Variants in SLC4A4 observed in about 807,000 individuals in gnomAD.
The protein encoded by SLC4A4 is solute carrier family 4 member 4.
Under a neutral mutation model 111.5 loss-of-function variants are expected in SLC4A4, and 27 were observed. That is an observed-to-expected ratio of 0.24 (90% CI 0.18 to 0.33). The LOEUF (loss-of-function observed/expected upper bound fraction) is 0.33, where lower values mean the gene tolerates loss of function less well. SLC4A4 is among the 10% of genes least tolerant of loss of function. The pLI is 1.00. For missense variants in SLC4A4, 909 were observed against 1,315.5 expected, an observed-to-expected ratio of 0.69 and a Z score of 4.78; for synonymous variants, 443 against 463.4, an observed-to-expected ratio of 0.96 and a Z score of 0.57.
chr4:71,146,368 C>G (rs560205581), intron 2 of SLC4A4, among the ~76,000 whole-genome samples: 79 of 152,130 alleles, frequency 5.2e-4, no homozygotes, highest in Non-Finnish European at 2.5e-4. Flanking sequence ...TTACTTCCAA[C>G]TATGTGGTCA....
chr4:71,374,501 A>T (rs893562318), intron 6 of SLC4A4, among the ~76,000 whole-genome samples: 1 of 151,926 alleles, frequency 6.6e-6, no homozygotes, highest in Non-Finnish European at 1.5e-5. Flanking sequence ...CAACATTCTT[A>T]AGATACAGGC....
chr4:71,120,939 G>T (rs147975919), intron 2 of SLC4A4, among the ~76,000 whole-genome samples: 36 of 152,314 alleles, frequency 2.4e-4, no homozygotes, highest in Admixed American at 6.5e-4. Context: ...GAGAGGCGCC[G>T]GCAGGAACCA....
At chr4:71,131,898 A>G (rs1409037536) in intron 2 of SLC4A4, among the ~76,000 whole-genome samples, 1 of 152,174 alleles carries the variant, frequency 6.6e-6, no homozygotes, top group African/African-American at 2.4e-5. Context: ...GTGTTATCAG[A>G]CACTCCAGAT....
At chr4:71,559,576 T>C (rs1736773748) in intron 22 of SLC4A4, among the ~76,000 whole-genome samples, 1 of 151,802 alleles carries the variant, frequency 6.6e-6, no homozygotes, top group African/African-American at 2.4e-5. Flanking sequence ...CAGTTAACGG[T>C]GGTGATTGAA....
intron 6 of SLC4A4, among the ~76,000 whole-genome samples, chr4:71,397,351 C>T (rs547966102): frequency 6.6e-6 from 1 of 152,276 alleles, no homozygotes; most frequent in South Asian, 2.1e-4. Context: ...GAAACTGAAC[C>T]AGGCAGTAAG....
At chr4:71,133,455 C>T (rs574462372) in intron 2 of SLC4A4, among the ~76,000 whole-genome samples, 10 of 152,288 alleles carry the variant, frequency 6.6e-5, no homozygotes, top group East Asian at 1.9e-4. Flanking sequence ...AACTCAGCTG[C>T]GGGAGTCAGC....
intron 6 of SLC4A4, among the ~76,000 whole-genome samples, chr4:71,358,329 A>AG (rs2148914320): frequency 6.6e-6 from 1 of 150,498 alleles, no homozygotes; most frequent in East Asian, 1.9e-4. Context: ...AAAAAAAAAA[A>AG]GAGAGAGAGA....
At chr4:71,320,685 G>A (rs1686268619) in intron 3 of SLC4A4, among the ~76,000 whole-genome samples, 1 of 152,024 alleles carries the variant, frequency 6.6e-6, no homozygotes, top group African/African-American at 2.4e-5. Context: ...ATAGTCAAAA[G>A]TGTTTCCAAA....
intron 1 of SLC4A4, among the ~76,000 whole-genome samples, chr4:71,232,664 G>A (rs909938647): frequency 3.3e-5 from 5 of 152,096 alleles, no homozygotes; most frequent in Admixed American, 1.3e-4. Flanking sequence ...CCTCCCACTC[G>A]GCCTCCCAAA....
chr4:71,145,393 T>A lies in SLC4A4; in HGVS notation c.-2+52601T>A, dbSNP rs1744134935. On this transcript the variant is annotated intron_variant, in intron 2 of 26. Coordinates refer to the SLC4A4 transcript ENST00000649996. ...TTTGCATCAATGTTTATCAAGGATA[T>A]TGGTCTAAAATTCTCTTTTTTTGTT... 3.3e-5 allele frequency among the ~76,000 whole-genome samples: 5 copies of A among 152,338 alleles called. No individual in the cohort carries two copies. The South Asian group carries it at 1.0e-3, about 32-fold the overall frequency.
At chr4:71,289,262 A>T (rs563639131) in intron 3 of SLC4A4, among the ~76,000 whole-genome samples, 3 of 152,332 alleles carry the variant, frequency 2.0e-5, no homozygotes, top group African/African-American at 7.2e-5. Flanking sequence ...AAAACTTTTT[A>T]TTGAAGAAAA....
intron 1 of SLC4A4, among the ~76,000 whole-genome samples, chr4:71,230,811 C>A (rs1471347634): frequency 6.6e-6 from 1 of 152,168 alleles, no homozygotes; most frequent in African/African-American, 2.4e-5. Flanking sequence ...GGAGTGGATC[C>A]TCTACACACC....
At chr4:71,491,390 A>G (rs1414934226) in intron 15 of SLC4A4, among the ~76,000 whole-genome samples, 5 of 151,906 alleles carry the variant, frequency 3.3e-5, no homozygotes, top group Admixed American at 1.3e-4. Context: ...TGTAACGTTG[A>G]TGAAAAAAAG....
At chr4:71,485,801 C>T (rs185713230) in intron 14 of SLC4A4, among the ~76,000 whole-genome samples, 82 of 151,498 alleles carry the variant, frequency 5.4e-4, no homozygotes, top group Non-Finnish European at 8.9e-4. Flanking sequence ...ATGAAATGCC[C>T]TCTTTTCTAA....
intron 3 of SLC4A4, among the ~76,000 whole-genome samples, chr4:71,311,600 C>T (rs1193600587): frequency 3.3e-5 from 5 of 152,080 alleles, no homozygotes; most frequent in African/African-American, 7.2e-5. Flanking sequence ...GGGTAAATAA[C>T]GAAATTAAGG....
chr4:71,395,198 G>T (rs1719704254), intron 6 of SLC4A4, among the ~76,000 whole-genome samples: 1 of 152,132 alleles, frequency 6.6e-6, no homozygotes. Context: ...TTAGAGGATT[G>T]GGAAGGATTT....
intron 2 of SLC4A4, among the ~76,000 whole-genome samples, chr4:71,108,293 T>C (rs1022625648): frequency 3.3e-5 from 5 of 152,234 alleles, no homozygotes; most frequent in African/African-American, 1.2e-4. Flanking sequence ...TTCTTTCATT[T>C]CAACCTAGAG....
chr4:71,405,080 T>A (rs1433989868), intron 7 of SLC4A4, among the ~76,000 whole-genome samples: 2 of 152,052 alleles, frequency 1.3e-5, no homozygotes, highest in Non-Finnish European at 2.9e-5. Context: ...CCTTCCAAAG[T>A]GCTGGGATTA....
chr4:71,369,279 G>A (rs1289953972), intron 6 of SLC4A4, among the ~76,000 whole-genome samples: 3 of 152,158 alleles, frequency 2.0e-5, no homozygotes, highest in Non-Finnish European at 2.9e-5. Flanking sequence ...TCCTAAAGTC[G>A]TAATTGCTGA....
Sources: gnomAD v4.1 joint callset for allele counts (sites outside exome capture counted in the v4.1 genomes callset) on GRCh38, gnomAD v4.1.1 for gene constraint, MANE v1.5 for transcripts, NCBI Gene and HGNC (gene_info 2026-07-23, HGNC 2026-07-21) for gene names.